Variants in MTUS2 observed in about 807,000 individuals in gnomAD.
The protein encoded by MTUS2 is microtubule-associated tumor suppressor candidate 2.
MTUS2 carries 40 observed loss-of-function variants against 114.1 expected under a neutral mutation model. That is an observed-to-expected ratio of 0.35 (90% CI 0.27 to 0.46). MTUS2 has a LOEUF of 0.46. MTUS2 is among the 20% of genes least tolerant of loss of function. The probability of loss-of-function intolerance (pLI) is 1.00; values close to 1 mark genes in which losing one functional copy is unlikely to be tolerated. For missense variants in MTUS2, 1,679 were observed against 1,705.4 expected (o/e 0.98, Z 0.27); for synonymous variants, 688 against 672.0 (o/e 1.02, Z -0.37).
chr13:28,900,724 C>G lies in MTUS2; in HGVS notation c.-243+60874C>G, dbSNP rs1495935. 8.9e-4 allele frequency among the ~76,000 whole-genome samples: 136 copies of G among 152,240 alleles called. 1 individual carries two copies. The highest frequency in any genetic ancestry group is 3.1e-3 in the African/African-American group (128 of 41,560). On this transcript the variant is annotated intron_variant, in intron 2 of 15. Transcript: ENST00000612955. ...TAGGCTGTCACAAATAAAGCTGTTA[C>G]GAACATACATTGTATTAGTTGACTA...
At chr13:28,964,571 G>A (rs1198456615) in intron 2 of MTUS2, among the ~76,000 whole-genome samples, 15 of 151,630 alleles carry the variant, frequency 9.9e-5, no homozygotes, top group Admixed American at 9.9e-4. Flanking sequence ...GAATTATGAA[G>A]GATGGTGATT....
At chr13:28,825,865 A>C (rs760556908) in intron 1 of MTUS2, among the ~76,000 whole-genome samples, 10 of 152,188 alleles carry the variant, frequency 6.6e-5, no homozygotes, top group Non-Finnish European at 1.5e-4. Flanking sequence ...TTGAGTGAGC[A>C]TATGCAGCTG....
chr13:29,288,441 A>G (rs926390305), intron 6 of MTUS2, among the ~76,000 whole-genome samples: 2 of 152,178 alleles, frequency 1.3e-5, no homozygotes, highest in Non-Finnish European at 2.9e-5. Flanking sequence ...GGAAAGGGGA[A>G]GGGAAGGAGA....
chr13:29,366,207 G>A (rs1046845227), intron 8 of MTUS2, among the ~76,000 whole-genome samples: 7 of 152,186 alleles, frequency 4.6e-5, no homozygotes, highest in African/African-American at 1.4e-4. Flanking sequence ...ACAGTTCCAC[G>A]TGGCTGGGAA....
intron 5 of MTUS2, among the ~76,000 whole-genome samples, chr13:29,244,550 C>T (rs1026150616): frequency 1.3e-5 from 2 of 152,122 alleles, no homozygotes; most frequent in Admixed American, 1.3e-4. Flanking sequence ...CATGAACACA[C>T]TGGCAGGATG....
intron 5 of MTUS2, among the ~76,000 whole-genome samples, chr13:29,233,928 T>A (rs1390535404): frequency 6.6e-6 from 1 of 152,222 alleles, no homozygotes; most frequent in African/African-American, 2.4e-5. Flanking sequence ...CAAAGGGAAG[T>A]AACAGACAAT....
chr13:29,034,255 T>A, intron 4 of MTUS2, 130 bp downstream of exon 4: 1 of 1,198,008 alleles, frequency 8.3e-7, no homozygotes, highest in East Asian at 2.4e-5. Flanking sequence ...TTCTTCCATA[T>A]GTCTGTAGAT....
At position 29,388,232 on chromosome 13, in the gene MTUS2, G is replaced by A. The variant is rs113647738; in HGVS notation, c.3117+28759G>A. ...CAGAGTTGATTTTCAGTTTAGCACC[G>A]TGACAGGTACCATGAAGTTGCTAAT... On this transcript the variant is annotated intron_variant, in intron 8 of 15. Transcript: ENST00000612955. 8.6e-3 allele frequency among the ~76,000 whole-genome samples: 1,305 copies of A among 152,174 alleles called. 21 individuals are homozygous for A. Among genetic ancestry groups the A allele is most frequent in the African/African-American group, 0.03 (1,227 of 41,470 alleles).
intron 4 of MTUS2, among the ~76,000 whole-genome samples, chr13:29,062,641 A>G (rs1888475646): frequency 6.6e-6 from 1 of 152,148 alleles, no homozygotes; most frequent in Non-Finnish European, 1.5e-5. Flanking sequence ...CTCTTAGATT[A>G]ATAACAGGCC....
intron 7 of MTUS2, among the ~76,000 whole-genome samples, chr13:29,337,053 A>G (rs962237424): frequency 6.6e-6 from 1 of 152,182 alleles, no homozygotes; most frequent in Non-Finnish European, 1.5e-5. Flanking sequence ...GAGAATTTCA[A>G]GCCAGTGGAT....
At chr13:29,310,552 CA>C (rs1899707747) in intron 6 of MTUS2, among the ~76,000 whole-genome samples, 1 of 151,962 alleles carries the variant, frequency 6.6e-6, no homozygotes, top group African/African-American at 2.4e-5. Context: ...CAAGTGAGTG[CA>C]CAAAAAGGCA....
intron 2 of MTUS2, among the ~76,000 whole-genome samples, chr13:28,906,562 G>A (rs1391584704): frequency 6.6e-6 from 1 of 151,750 alleles, no homozygotes; most frequent in East Asian, 1.9e-4. Context: ...TAGTTGAGCA[G>A]TTTTGAGTGG....
Position 29,268,747 on chromosome 13 carries a change from G to A in MTUS2, c.2645-12957G>A, listed in dbSNP as rs1326606467. Among the ~76,000 whole-genome samples, 3 of 151,990 alleles carry A rather than the reference G, an allele frequency of 2.0e-5. No individual in the cohort carries two copies. In the East Asian group the frequency reaches 5.8e-4, roughly 29 times the overall value. On this transcript the variant is annotated intron_variant, in intron 5 of 15. Coordinates refer to ENST00000612955, the MANE Select transcript of MTUS2 (RefSeq NM_001033602.4). ...GATTCTATTTCTTTCTTGGAGGCAG[G>A]GTCTCTCTGTGTTGTCCAGGATCCC...
chr13:29,235,105 A>T (rs9551632), intron 5 of MTUS2, among the ~76,000 whole-genome samples: 24,866 of 151,996 alleles, frequency 0.16, 2,317 homozygotes, highest in East Asian at 0.41. Context: ...TTAATTAATT[A>T]ATTTTTTTGA....
intron 7 of MTUS2, chr13:29,339,731 T>C: frequency 5.6e-6 from 1 of 179,892 alleles, no homozygotes; most frequent in Non-Finnish European, 1.2e-5. Flanking sequence ...GATACGGGCA[T>C]AGTCCCAGTT....
At chr13:29,494,838 A>G (rs1288442759) in intron 12 of MTUS2, among the ~76,000 whole-genome samples, 3 of 152,030 alleles carry the variant, frequency 2.0e-5, no homozygotes, top group African/African-American at 4.8e-5. Flanking sequence ...CAGGACTTCA[A>G]GACCAGCCTG....
At chr13:28,834,222 A>C (rs1370546838) in intron 1 of MTUS2, among the ~76,000 whole-genome samples, 1 of 152,146 alleles carries the variant, frequency 6.6e-6, no homozygotes, top group Non-Finnish European at 1.5e-5. Flanking sequence ...TAGTCAATGT[A>C]ATCCTGAAAA....
intron 5 of MTUS2, among the ~76,000 whole-genome samples, chr13:29,139,594 G>GTCC (rs1892130107): frequency 6.6e-6 from 1 of 152,046 alleles, no homozygotes; most frequent in African/African-American, 2.4e-5. Flanking sequence ...TTGAGACAAA[G>GTCC]AATTTTGTAC....
chr13:29,410,780 G>C (rs935560403), intron 8 of MTUS2, among the ~76,000 whole-genome samples: 1 of 151,620 alleles, frequency 6.6e-6, no homozygotes. Flanking sequence ...AGTTTTTTTA[G>C]TCATAGTTAT....
Sources: gnomAD v4.1 joint callset for allele counts (sites outside exome capture counted in the v4.1 genomes callset) on GRCh38, gnomAD v4.1.1 for gene constraint, MANE v1.5 for transcripts, NCBI Gene and HGNC (gene_info 2026-07-23, HGNC 2026-07-21) for gene names.